USP47: variants seen among roughly 807,000 people sequenced by gnomAD.
USP47 encodes the protein ubiquitin specific peptidase 47, also known as ubiquitin carboxyl-terminal hydrolase 47.
Under a neutral mutation model 165.1 loss-of-function variants are expected in USP47, and 35 were observed. That is an observed-to-expected ratio of 0.21 (90% CI 0.16 to 0.28). The LOEUF (loss-of-function observed/expected upper bound fraction) is 0.28, where lower values mean the gene tolerates loss of function less well. Among genes scored for constraint, USP47 ranks in the 10% least tolerant of loss-of-function variants. USP47 has a pLI of 1.00. For synonymous variants in USP47, 531 were observed against 544.5 expected (o/e 0.98, Z 0.35); for missense variants, 1,277 against 1,607.4 (o/e 0.79, Z 3.52).
At chr11:11,877,986 T>C (rs1304830584) in intron 1 of USP47, among the ~76,000 whole-genome samples, 1 of 152,030 alleles carries the variant, frequency 6.6e-6, no homozygotes, top group African/African-American at 2.4e-5. Flanking sequence ...AAAAGCAAAA[T>C]TATTTATATG....
chr11:11,850,856 TTC>T lies in USP47; in HGVS notation c.39+8634_39+8635del, dbSNP rs1848686267. ...ATTTGGTGTCTGGTAAAAGCCTGCT[TTC>T]TGGTTCACAGAGCAGCACCGTCTCG... On this transcript the variant is annotated intron_variant, in intron 1 of 27. Transcript: ENST00000527733. 2.6e-5 allele frequency among the ~76,000 whole-genome samples: 4 copies of T among 152,320 alleles called. No homozygotes were observed. In the South Asian group the frequency reaches 6.2e-4, roughly 24 times the overall value.
chr11:11,938,649 A>T (rs899253452), intron 18 of USP47, among the ~76,000 whole-genome samples: 3 of 152,034 alleles, frequency 2.0e-5, no homozygotes, highest in African/African-American at 7.2e-5. Flanking sequence ...AAGAGCTTTA[A>T]ACAGTAAACA....
intron 6 of USP47, 90 bp from the exon 7 acceptor site, chr11:11,903,173 C>T: frequency 7.9e-7 from 1 of 1,265,596 alleles, no homozygotes; most frequent in Non-Finnish European, 1.1e-6. Context: ...AGGTAGACTT[C>T]AATATTTCTG....
At chr11:11,897,395 C>T (rs1206418467) in intron 4 of USP47, among the ~76,000 whole-genome samples, 2 of 151,936 alleles carry the variant, frequency 1.3e-5, no homozygotes, top group Non-Finnish European at 2.9e-5. Flanking sequence ...GGTATCCTGA[C>T]ATTTTCTACA....
chr11:11,896,811 T>C (rs1851876425), intron 4 of USP47, among the ~76,000 whole-genome samples: 1 of 152,026 alleles, frequency 6.6e-6, no homozygotes, highest in Non-Finnish European at 1.5e-5. Context: ...AATAATGCAA[T>C]GATGTAGATT....
In USP47 at chr11:11,842,166, A is replaced by G. The variant is rs948246137; in HGVS notation, c.-20A>G. On this transcript the variant is annotated 5_prime_UTR_variant, in exon 1 of 28. Coordinates refer to ENST00000527733, the MANE Select transcript of USP47 (RefSeq NM_001282659.2). ...TCCACCCTCCCCCGGCAGGGCGGAG[A>G]GGAGCGGCCGGAGTCAGCGATGGTG... is the stretch of plus-strand genomic sequence containing the variant. 3 of 1,551,978 alleles carry G rather than the reference A, an allele frequency of 1.9e-6. No homozygotes were observed. Among genetic ancestry groups the G allele is most frequent in the African/African-American group, 2.7e-5 (2 of 73,134 alleles).
intron 1 of USP47, among the ~76,000 whole-genome samples, chr11:11,871,216 G>A (rs1850016288): frequency 6.6e-6 from 1 of 152,024 alleles, no homozygotes; most frequent in East Asian, 1.9e-4. Flanking sequence ...ATTCTGGTTG[G>A]TGGGCAGCTG....
intron 1 of USP47, among the ~76,000 whole-genome samples, chr11:11,869,575 T>C (rs926151442): frequency 2.6e-5 from 4 of 152,186 alleles, no homozygotes; most frequent in South Asian, 2.1e-4. Context: ...CTTTTAGTTA[T>C]TCTGATTCCT....
At position 11,923,072 on chromosome 11, in the gene USP47, ATATATATATAT is replaced by A. The variant is rs1335797533; in HGVS notation, c.1386+182_1386+192del. On this transcript the variant is annotated intron_variant, in intron 11 of 27. Transcript: ENST00000527733. ...TATATATATATATATATATATATAT[ATATATATATAT>A]ATGACTATAATTAAACTTCAGGAAA... 8.1e-5 allele frequency among the ~76,000 whole-genome samples: 8 copies of A among 99,130 alleles called. No homozygotes were observed. The Admixed American group carries it at 9.9e-4, about 12-fold the overall frequency. The allele number at this position is 99,130 out of a possible 152,430, so 65.0% of individuals were successfully genotyped here. A position where few individuals can be genotyped will look rare whatever the true frequency, so the allele number is the denominator to read the frequency against.
chr11:11,877,844 TGTGTGTGTGTGTGTGCGCGC>T (rs1850564074), intron 1 of USP47, among the ~76,000 whole-genome samples: 2 of 113,860 alleles, frequency 1.8e-5, no homozygotes, highest in African/African-American at 8.7e-5. Flanking sequence ...TGTGTGTGTG[TGTGTGTGTGTGTGTGCGCGC>T]GCGCAGATAA....
At chr11:11,879,542 G>T (rs1230773751) in intron 1 of USP47, among the ~76,000 whole-genome samples, 1 of 152,084 alleles carries the variant, frequency 6.6e-6, no homozygotes, top group Non-Finnish European at 1.5e-5. Flanking sequence ...TTCTGTATTG[G>T]TAATTGAAAC....
chr11:11,869,215 T>C (rs1342353715), intron 1 of USP47, among the ~76,000 whole-genome samples: 1 of 152,200 alleles, frequency 6.6e-6, no homozygotes, highest in African/African-American at 2.4e-5. Flanking sequence ...CATTTTCTCC[T>C]ATGTGTTTTC....
At chr11:11,871,886 T>A (rs1850092410) in intron 1 of USP47, among the ~76,000 whole-genome samples, 1 of 152,184 alleles carries the variant, frequency 6.6e-6, no homozygotes, top group Non-Finnish European at 1.5e-5. Flanking sequence ...ATTACCTGTG[T>A]TGCCTCTTGT....
chr11:11,900,491 A>G (rs771044255), intron 5 of USP47, among the ~76,000 whole-genome samples: 4 of 152,058 alleles, frequency 2.6e-5, no homozygotes, highest in African/African-American at 4.8e-5. Context: ...AGTAGCCAAC[A>G]GAGAACCTGC....
intron 10 of USP47, among the ~76,000 whole-genome samples, chr11:11,921,839 T>G (rs960753210): frequency 3.9e-5 from 6 of 151,940 alleles, no homozygotes; most frequent in Non-Finnish European, 5.9e-5. Flanking sequence ...AGGAATTATA[T>G]CTCTTTGGAC....
Position 11,942,394 on chromosome 11 carries a change from A to T in USP47, c.2373A>T (p.Leu791Phe). Residue 791 changes from leucine (L) to phenylalanine (F), a missense_variant, in exon 20 of 28, where the codon TTA becomes TTT. Around this residue, in one of 4 missense-constraint regions of USP47, gnomAD observed 909 missense variants for 1,068.1 expected, o/e 0.85. Coordinates refer to ENST00000527733, the MANE Select transcript of USP47 (RefSeq NM_001282659.2). ...AGATGGCCTTTGCAGACTCTCATTT[A>T]TGGAAACTCCTGGATCGGCATGCAA... ...DYQMAFADSH[L>F]WKLLDRHANT... 6.2e-7 allele frequency: 1 copy of T among 1,613,282 alleles called. No individual in the cohort carries two copies. Among genetic ancestry groups the T allele is most frequent in the Non-Finnish European group, 8.5e-7 (1 of 1,179,568 alleles).
intron 11 of USP47, among the ~76,000 whole-genome samples, chr11:11,925,876 G>A (rs572497300): frequency 1.3e-5 from 2 of 152,002 alleles, no homozygotes; most frequent in African/African-American, 4.8e-5. Flanking sequence ...TAGCTGTGGG[G>A]TTTTCATATA....
intron 1 of USP47, among the ~76,000 whole-genome samples, chr11:11,865,891 T>C (rs1041350587): frequency 1.3e-5 from 2 of 152,180 alleles, no homozygotes; most frequent in African/African-American, 4.8e-5. Context: ...TCTGTTGTTA[T>C]GTTATAAGAA....
intron 25 of USP47, among the ~76,000 whole-genome samples, chr11:11,954,438 T>G (rs1856430707): frequency 6.6e-6 from 1 of 151,996 alleles, no homozygotes; most frequent in South Asian, 2.1e-4. Flanking sequence ...CCCGGCTAAT[T>G]CTTTGTATTT....
Sources: gnomAD v4.1 joint callset for allele counts (sites outside exome capture counted in the v4.1 genomes callset) on GRCh38, gnomAD v4.1.1 for gene constraint, gnomAD v4.1.1 regional missense constraint, MANE v1.5 for transcripts, NCBI Gene and HGNC (gene_info 2026-07-23, HGNC 2026-07-21) for gene names.